The following ADAMTS17 variants were observed in gnomAD, a reference collection of about 807,000 sequenced individuals.
ADAMTS17 encodes A disintegrin and metalloproteinase with thrombospondin motifs 17.
In ADAMTS17, 113 loss-of-function variants were observed where a neutral mutation model predicts 141.5. The ratio of observed to expected loss-of-function variants is 0.80; its 90% CI spans 0.69 to 0.93. ADAMTS17 has a LOEUF of 0.93. ADAMTS17 is among the 40% of genes least tolerant of loss of function. The probability of loss-of-function intolerance (pLI) is 0.00; values close to 1 mark genes in which losing one functional copy is unlikely to be tolerated. For synonymous variants in ADAMTS17, 768 were observed against 630.6 expected, an observed-to-expected ratio of 1.22 and a Z score of -3.27; for missense variants, 1,659 against 1,517.9, an observed-to-expected ratio of 1.09 and a Z score of -1.54.
chr15:100,008,114 G>C (rs2061074200), intron 18 of ADAMTS17, among the ~76,000 whole-genome samples: 1 of 152,102 alleles, frequency 6.6e-6, no homozygotes, highest in Non-Finnish European at 1.5e-5. Flanking sequence ...ATGGGTGAAG[G>C]AGAGGGTGGT....
chr15:100,097,580 T>TC (rs1567167858), intron 14 of ADAMTS17, among the ~76,000 whole-genome samples: 1 of 152,182 alleles, frequency 6.6e-6, no homozygotes, highest in African/African-American at 2.4e-5. Context: ...GCCCCACAAC[T>TC]CCCCAAAGAC....
chr15:99,985,303 G>A (rs1156877707), intron 20 of ADAMTS17, among the ~76,000 whole-genome samples: 1 of 152,252 alleles, frequency 6.6e-6, no homozygotes, highest in Non-Finnish European at 1.5e-5. Flanking sequence ...TGATCTGGAT[G>A]CAGAGTGCTG....
At chr15:100,272,773 G>T (rs146186976) in intron 4 of ADAMTS17, among the ~76,000 whole-genome samples, 5 of 151,250 alleles carry the variant, frequency 3.3e-5, no homozygotes, top group Non-Finnish European at 7.4e-5. Context: ...CCTTGTTCCA[G>T]ATTTTAAAGA....
intron 3 of ADAMTS17, among the ~76,000 whole-genome samples, chr15:100,295,649 G>A (rs2044782604): frequency 6.6e-6 from 1 of 152,104 alleles, no homozygotes; most frequent in Non-Finnish European, 1.5e-5. Context: ...TATTTCTCTA[G>A]CCCTAGGATG....
At chr15:100,195,508 C>A (rs914047253) in intron 8 of ADAMTS17, among the ~76,000 whole-genome samples, 1 of 149,890 alleles carries the variant, frequency 6.7e-6, no homozygotes, top group African/African-American at 2.5e-5. Context: ...CGTAAGACCA[C>A]AGAACTATTG....
chr15:100,136,015 T>C (rs148024263), intron 10 of ADAMTS17, among the ~76,000 whole-genome samples: 1 of 152,346 alleles, frequency 6.6e-6, no homozygotes, highest in East Asian at 1.9e-4. Flanking sequence ...TGGAAAACTT[T>C]GGCAGTATTT....
At chr15:100,136,492 C>T (rs2038340248) in intron 10 of ADAMTS17, among the ~76,000 whole-genome samples, 1 of 152,350 alleles carries the variant, frequency 6.6e-6, no homozygotes, top group Non-Finnish European at 1.5e-5. Flanking sequence ...CACCTTGATG[C>T]CTTCTAGATC....
intron 3 of ADAMTS17, among the ~76,000 whole-genome samples, chr15:100,298,465 C>T (rs2044904423): frequency 6.6e-6 from 1 of 152,158 alleles, no homozygotes; most frequent in Admixed American, 6.5e-5. Flanking sequence ...GGGAGAAACT[C>T]ATCTGAGTGT....
chr15:100,112,841 G>A (rs944530129), intron 13 of ADAMTS17, among the ~76,000 whole-genome samples: 1 of 152,106 alleles, frequency 6.6e-6, no homozygotes, highest in Non-Finnish European at 1.5e-5. Flanking sequence ...AGGGAAGATG[G>A]GCTCAGAAGC....
intron 2 of ADAMTS17, among the ~76,000 whole-genome samples, chr15:100,335,411 C>G (rs1376519941): frequency 6.6e-6 from 1 of 152,178 alleles, no homozygotes; most frequent in Non-Finnish European, 1.5e-5. Context: ...CTTCTCCCTC[C>G]TGGAATCTGA....
intron 18 of ADAMTS17, among the ~76,000 whole-genome samples, chr15:100,043,563 G>A (rs1485165043): frequency 6.6e-6 from 1 of 152,104 alleles, no homozygotes; most frequent in Non-Finnish European, 1.5e-5. Context: ...CCAAAACACA[G>A]GCCAGCAAAC....
chr15:100,058,931 G>A (rs996356885), intron 15 of ADAMTS17, among the ~76,000 whole-genome samples: 1 of 152,222 alleles, frequency 6.6e-6, no homozygotes, highest in East Asian at 1.9e-4. Flanking sequence ...CTGGACAACA[G>A]AGTGCTAGCG....
rs1204535278 is a variant in ADAMTS17, at chr15:100,112,143, T to C, written c.1889-3027A>G. On this transcript the variant is annotated intron_variant, in intron 13 of 21. Transcript: ENST00000268070. ...AGACTTCAAAGGGATGAAGGCTGTT[T>C]ATCTGGACTCTTTAGGGTGAGCAGA... 9.2e-5 allele frequency among the ~76,000 whole-genome samples: 14 copies of C among 152,224 alleles called. No homozygotes were observed. In the East Asian group the frequency reaches 2.5e-3, roughly 27 times the overall value.
chr15:100,275,239 T>C (rs887138122), intron 4 of ADAMTS17, among the ~76,000 whole-genome samples: 11 of 152,036 alleles, frequency 7.2e-5, no homozygotes, highest in African/African-American at 2.4e-4. Flanking sequence ...TCAGTGTTGA[T>C]GGCAAAAAGA....
intron 2 of ADAMTS17, among the ~76,000 whole-genome samples, chr15:100,338,572 ATGTGGCC>A (rs745474626): frequency 3.3e-5 from 5 of 152,334 alleles, no homozygotes; most frequent in Non-Finnish European, 5.9e-5. Context: ...AACAAAGGCT[ATGTGGCC>A]CCCAAAGCCT....
intron 6 of ADAMTS17, among the ~76,000 whole-genome samples, chr15:100,258,982 G>C (rs1432153380): frequency 3.3e-5 from 5 of 150,330 alleles, no homozygotes; most frequent in Non-Finnish European, 1.5e-5. Flanking sequence ...CCCAAATGCA[G>C]ACCACTTACA....
chr15:100,034,132 G>C (rs1216205324), intron 18 of ADAMTS17, among the ~76,000 whole-genome samples: 1 of 152,238 alleles, frequency 6.6e-6, no homozygotes, highest in East Asian at 1.9e-4. Flanking sequence ...TTGCTGCTGA[G>C]AGCACCTCTT....
At chr15:100,049,091 G>A in intron 17 of ADAMTS17, 99 bp from the exon 18 acceptor site, 1 of 1,559,830 alleles carries the variant, frequency 6.4e-7, no homozygotes, top group Admixed American at 1.7e-5. Flanking sequence ...TGCTGCTGAT[G>A]GTCACTTGGT....
rs200694151 is a variant in ADAMTS17, at chr15:100,166,327, T to C, written c.1182-11007A>G. On this transcript the variant is annotated intron_variant, in intron 8 of 21. Coordinates refer to ENST00000268070, the MANE Select transcript of ADAMTS17 (RefSeq NM_139057.4). Reference sequence around the variant, plus strand: ...CTTCCAATGGCTTTTCAGATGATTCTTTTACAATATACAGGCAATTCTCAT... The same window carrying C: ...CTTCCAATGGCTTTTCAGATGATTCCTTTACAATATACAGGCAATTCTCAT... Among the ~76,000 whole-genome samples the C allele has an allele frequency of 1.2e-4, 19 of 152,372 alleles. No individual in the cohort carries two copies. The East Asian group carries it at 2.3e-3, about 19-fold the overall frequency.
Sources: gnomAD v4.1 joint callset for allele counts (sites outside exome capture counted in the v4.1 genomes callset) on GRCh38, gnomAD v4.1.1 for gene constraint, MANE v1.5 for transcripts, NCBI Gene and HGNC (gene_info 2026-07-23, HGNC 2026-07-21) for gene names.